The following MLLT10 variants were observed in gnomAD, a reference collection of about 807,000 sequenced individuals.
The protein encoded by MLLT10 is MLLT10 histone lysine methyltransferase DOT1L cofactor.
A neutral mutation model predicts 129.1 loss-of-function variants in MLLT10; 30 were observed. The observed-to-expected ratio is 0.23, with a 90% confidence interval of 0.17 to 0.32. MLLT10 has a LOEUF of 0.32. Among genes scored for constraint, MLLT10 ranks in the 10% least tolerant of loss-of-function variants. The pLI, the probability that MLLT10 is intolerant of heterozygous loss-of-function variation, is 1.00. For synonymous variants in MLLT10, 490 were observed against 446.4 expected, an observed-to-expected ratio of 1.10 and a Z score of -1.23; for missense variants, 1,119 against 1,268.3, an observed-to-expected ratio of 0.88 and a Z score of 1.79.
At chr10:21,681,683 A>G (rs1190981291) in intron 12 of MLLT10, among the ~76,000 whole-genome samples, 1 of 151,990 alleles carries the variant, frequency 6.6e-6, no homozygotes, top group Admixed American at 6.6e-5. Context: ...TTTGTTTTCT[A>G]TTCTTAATAT....
chr10:21,584,398 C>T (rs536698380), intron 3 of MLLT10, among the ~76,000 whole-genome samples: 4 of 151,954 alleles, frequency 2.6e-5, no homozygotes, highest in South Asian at 2.1e-4. Context: ...CTCTTGACCT[C>T]GTGATCCACC....
intron 18 of MLLT10, 127 bp from the exon 19 acceptor site, chr10:21,733,358 TTAAATCAGTCTTAGGAATA>T (rs1308916868): frequency 1.7e-6 from 1 of 573,272 alleles, no homozygotes; most frequent in African/African-American, 1.9e-5. Flanking sequence ...TTTTTCTTAT[TTAAATCAGTCTTAGGAATA>T]GCAAGACTAG....
intron 7 of MLLT10, among the ~76,000 whole-genome samples, chr10:21,615,972 A>G (rs920919376): frequency 2.0e-5 from 3 of 152,010 alleles, no homozygotes; most frequent in African/African-American, 7.2e-5. Flanking sequence ...TTGGTTTCTA[A>G]TTTTTAAATT....
intron 21 of MLLT10, among the ~76,000 whole-genome samples, chr10:21,739,540 C>T (rs2058660044): frequency 6.6e-6 from 1 of 152,192 alleles, no homozygotes; most frequent in African/African-American, 2.4e-5. Flanking sequence ...CCTTTCCCTG[C>T]TCAATGTGTT....
chr10:21,575,934 G>C (rs1448163498), intron 3 of MLLT10, among the ~76,000 whole-genome samples: 1 of 151,126 alleles, frequency 6.6e-6, no homozygotes, highest in African/African-American at 2.4e-5. Flanking sequence ...TTGTTTGTTT[G>C]TTTTTTTTAT....
Position 21,727,926 on chromosome 10 carries a change from A to C in MLLT10, c.2061A>C (p.Pro687=), listed in dbSNP as rs745498825. 2 of 1,613,922 alleles carry C rather than the reference A, an allele frequency of 1.2e-6. No individual in the cohort carries two copies. Residue 687 remains proline, a splice_region_variant and synonymous_variant, in exon 16 of 23, where the codon CCA becomes CCC. Coordinates refer to ENST00000307729, the MANE Select transcript of MLLT10 (RefSeq NM_001195626.3). ...GCTCACCCCGAGGAAGTCTCTCGCCACGGTAAGCGCTATTTACACTGCAAA... is the reference window on the plus strand; with the variant it reads ...GCTCACCCCGAGGAAGTCTCTCGCCCCGGTAAGCGCTATTTACACTGCAAA... The part of the protein sequence containing the change: ...RGSSPRGSLS[P]RSPVSSLQIR...
At chr10:21,688,480 C>T in intron 13 of MLLT10, 1 of 1,607,792 alleles carries the variant, frequency 6.2e-7, no homozygotes, top group Non-Finnish European at 8.5e-7. Flanking sequence ...TAAAGTGTGT[C>T]TTTTCTTTAG....
At chr10:21,591,840 C>T (rs2042541126) in intron 4 of MLLT10, among the ~76,000 whole-genome samples, 1 of 151,826 alleles carries the variant, frequency 6.6e-6, no homozygotes, top group African/African-American at 2.4e-5. Flanking sequence ...CCTGCCTCAG[C>T]CTCCTGAGTA....
chr10:21,624,496 T>C (rs2046223703), intron 8 of MLLT10: 9 of 680,812 alleles, frequency 1.3e-5, no homozygotes, highest in Non-Finnish European at 2.1e-5. Flanking sequence ...AATTGCTACT[T>C]AAAGATGAAA....
chr10:21,553,560 C>G (rs1298566842), intron 3 of MLLT10, among the ~76,000 whole-genome samples: 1 of 151,818 alleles, frequency 6.6e-6, no homozygotes, highest in Non-Finnish European at 1.5e-5. Flanking sequence ...CTCCTGGCCT[C>G]AAGTGATCTA....
At chr10:21,719,656 G>GC in intron 14 of MLLT10, among the ~76,000 whole-genome samples, 2 of 152,300 alleles carry the variant, frequency 1.3e-5, no homozygotes, top group South Asian at 2.1e-4. Context: ...CTACTCACTT[G>GC]TATAACCTTG....
rs542777734 is a variant in MLLT10, at chr10:21,703,606, G to A, written c.1700-10166G>A. 9.9e-5 allele frequency among the ~76,000 whole-genome samples: 15 copies of A among 151,952 alleles called. 1 individual carries two copies. In the East Asian group the frequency reaches 1.4e-3, roughly 14 times the overall value. On this transcript the variant is annotated intron_variant, in intron 13 of 22. Transcript: ENST00000307729. ...GTCACCCAGGCTGGAGTGCAGTGGC[G>A]CGATCTCCGCTCACTGCAACCTCAG...
At chr10:21,717,876 T>TCTCCTCCTCCTTCTCCTCCTCCTC (rs2056842495) in intron 14 of MLLT10, among the ~76,000 whole-genome samples, 1 of 75,662 alleles carries the variant, frequency 1.3e-5, no homozygotes, top group Non-Finnish European at 2.7e-5. Context: ...TCCTCCTCCT[T>TCTCCTCCTCCTTCTCCTCCTCCTC]CTCCTCCTCC....
intron 5 of MLLT10, among the ~76,000 whole-genome samples, chr10:21,612,066 G>A (rs957758464): frequency 9.9e-5 from 15 of 152,192 alleles, no homozygotes; most frequent in African/African-American, 3.6e-4. Flanking sequence ...TGGCCCGCCA[G>A]CCTCAGTGCC....
chr10:21,534,859 C>A, intron 2 of MLLT10, 55 bp downstream of exon 2: 1 of 1,327,244 alleles, frequency 7.5e-7, no homozygotes, highest in Admixed American at 2.8e-5. Flanking sequence ...CGGTCACCGC[C>A]GCCCCCACCT....
intron 3 of MLLT10, among the ~76,000 whole-genome samples, chr10:21,576,682 G>A (rs2040801352): frequency 6.7e-6 from 1 of 149,836 alleles, no homozygotes; most frequent in South Asian, 2.1e-4. Context: ...CCAGACTGGA[G>A]TGCAATGGCA....
At chr10:21,638,743 T>G (rs1487411413) in intron 8 of MLLT10, among the ~76,000 whole-genome samples, 1 of 152,114 alleles carries the variant, frequency 6.6e-6, no homozygotes, top group African/African-American at 2.4e-5. Context: ...CTCTTGGGGA[T>G]AGGGAGTGCA....
At chr10:21,575,182 T>C (rs1433287868) in intron 3 of MLLT10, among the ~76,000 whole-genome samples, 1 of 146,982 alleles carries the variant, frequency 6.8e-6, no homozygotes, top group East Asian at 1.9e-4. Context: ...ACCCTACTTA[T>C]TTTATTTTAT....
chr10:21,664,820 C>A (rs1257947194), intron 9 of MLLT10, among the ~76,000 whole-genome samples: 1 of 151,818 alleles, frequency 6.6e-6, no homozygotes, highest in Non-Finnish European at 1.5e-5. Context: ...GTTGTGAAAT[C>A]TACTGGCTGA....
Sources: allele counts gnomAD v4.1 joint callset (sites outside exome capture counted in the v4.1 genomes callset), GRCh38; gene constraint gnomAD v4.1.1; transcripts MANE v1.5; gene names NCBI Gene and HGNC (gene_info 2026-07-23, HGNC 2026-07-21).